SIPA1L2: variants seen among roughly 807,000 people sequenced by gnomAD.
The protein encoded by SIPA1L2 is signal-induced proliferation-associated 1-like protein 2.
In SIPA1L2, 56 loss-of-function variants were observed where a neutral mutation model predicts 163.9. The observed-to-expected ratio is 0.34, with a 90% CI of 0.28 to 0.43. SIPA1L2 has a LOEUF of 0.43. Ranked by LOEUF, SIPA1L2 falls within the 20% of genes least tolerant of loss-of-function variation. The probability of loss-of-function intolerance (pLI) is 1.00; values close to 1 mark genes in which losing one functional copy is unlikely to be tolerated. For synonymous variants in SIPA1L2, 877 were observed against 865.7 expected (o/e 1.01, Z -0.23); for missense variants, 1,974 against 2,193.5 (o/e 0.90, Z 2.00).
In SIPA1L2 at chr1:232,415,582, C is replaced by A. The variant is rs1315538606; in HGVS notation, c.4674G>T (p.Lys1558Asn). 1 of 1,613,908 alleles carries A rather than the reference C, an allele frequency of 6.2e-7. No individual in the cohort carries two copies. Among genetic ancestry groups the A allele is most frequent in the East Asian group, 2.2e-5 (1 of 44,886 alleles). Residue 1558 changes from lysine to asparagine, a missense_variant, in exon 19 of 23, where the codon AAG (lysine) becomes AAT (asparagine). By Grantham distance (94) the Lys-to-Asn change is moderately conservative. Around this residue, in one of 3 missense-constraint regions of SIPA1L2, gnomAD observed 1,079 missense variants for 1,150.7 expected, o/e 0.94. Transcript: ENST00000674635. ...GGGGCATCAGGCCAGGATCTGCGCACTTGGACTTATCTGATAAGGACCCAT... is the reference window on the plus strand; with the variant it reads ...GGGGCATCAGGCCAGGATCTGCGCAATTGGACTTATCTGATAAGGACCCAT... ...FSDGSLSDKS[K>N]CADPGLMPLP...
intron 8 of SIPA1L2, among the ~76,000 whole-genome samples, chr1:232,470,013 A>T (rs532109901): frequency 1.3e-5 from 2 of 152,198 alleles, no homozygotes; most frequent in East Asian, 3.9e-4. Context: ...CACCCATAAA[A>T]TAACACCAAA....
chr1:232,428,085 T>G (rs1264105480), intron 17 of SIPA1L2, among the ~76,000 whole-genome samples: 1 of 152,208 alleles, frequency 6.6e-6, no homozygotes, highest in Non-Finnish European at 1.5e-5. Flanking sequence ...TTTTTTCAGA[T>G]GAGAGCATTG....
At chr1:232,413,749 C>G (rs1180283084) in intron 19 of SIPA1L2, among the ~76,000 whole-genome samples, 1 of 152,170 alleles carries the variant, frequency 6.6e-6, no homozygotes, top group African/African-American at 2.4e-5. Context: ...TCTTAAGAGA[C>G]AGGCATGAGA....
At chr1:232,547,354 G>T (rs534102629) in intron 2 of SIPA1L2, among the ~76,000 whole-genome samples, 1 of 151,458 alleles carries the variant, frequency 6.6e-6, no homozygotes. Flanking sequence ...ATATGGGAAC[G>T]CAACCCTCAC....
Position 232,515,580 on chromosome 1 carries a change from A to G in SIPA1L2, c.-241T>C, listed in dbSNP as rs1667184292. 1 of 437,714 alleles carries G rather than the reference A, an allele frequency of 2.3e-6. No homozygotes were observed. 27.1% of individuals were successfully genotyped at this position (437,714 alleles called of 1,614,324 possible). A position where few individuals can be genotyped will look rare whatever the true frequency, so the allele number is the denominator to read the frequency against. On this transcript the variant is annotated 5_prime_UTR_variant, in exon 3 of 23. An upstream start codon of the reference 5' UTR is lost. Transcript: ENST00000674635. The stretch of plus-strand genomic sequence containing the variant: ...TCTTTTCAAAAGCATTCCTTAAGAC[A>G]TCTGGCTGGTCATGAGTATTTCCTT...
intron 3 of SIPA1L2, among the ~76,000 whole-genome samples, chr1:232,498,841 G>A (rs113728026): frequency 6.6e-6 from 1 of 152,170 alleles, no homozygotes; most frequent in Non-Finnish European, 1.5e-5. Context: ...AACCACAACT[G>A]CAAAGTCTCT....
At chr1:232,546,879 G>C (rs760226915) in intron 2 of SIPA1L2, among the ~76,000 whole-genome samples, 1 of 152,176 alleles carries the variant, frequency 6.6e-6, no homozygotes, top group African/African-American at 2.4e-5. Flanking sequence ...CAGAAGAAAC[G>C]AATACTCAGA....
At position 232,399,112 on chromosome 1, in the gene SIPA1L2, T is replaced by A. The variant is rs1660179267; in HGVS notation, c.*15A>T. On this transcript the variant is annotated 3_prime_UTR_variant, in exon 23 of 23. Transcript: ENST00000674635. ...GGGGCATTTCCCAGTGGTCCCTTGA[T>A]GAGGTGCGGATTGGCTAAGATTTTT... The A allele has an allele frequency of 6.2e-7, 1 of 1,613,352 alleles. No individual in the cohort carries two copies. The highest frequency in any genetic ancestry group is 1.3e-5 in the African/African-American group (1 of 74,890).
intron 4 of SIPA1L2, among the ~76,000 whole-genome samples, chr1:232,492,237 G>T (rs150944431): frequency 3.9e-5 from 6 of 152,222 alleles, no homozygotes; most frequent in African/African-American, 1.4e-4. Context: ...TGATCTAGAA[G>T]CAGTTAACCA....
chr1:232,559,017 C>A (rs1241897801), intron 2 of SIPA1L2, among the ~76,000 whole-genome samples: 1 of 152,174 alleles, frequency 6.6e-6, no homozygotes, highest in African/African-American at 2.4e-5. Context: ...ATAAAATTCA[C>A]TTGATGTGTT....
chr1:232,400,092 G>A (rs978489988), intron 22 of SIPA1L2, among the ~76,000 whole-genome samples: 12 of 152,090 alleles, frequency 7.9e-5, no homozygotes, highest in African/African-American at 2.9e-4. Context: ...AATACCACCT[G>A]CCTGGTCACT....
intron 16 of SIPA1L2, among the ~76,000 whole-genome samples, chr1:232,431,318 T>C (rs949119093): frequency 2.6e-5 from 4 of 152,228 alleles, no homozygotes; most frequent in African/African-American, 7.2e-5. Context: ...ATGACTGACA[T>C]GATTTTTTTA....
intron 7 of SIPA1L2, among the ~76,000 whole-genome samples, chr1:232,477,645 AT>A (rs1354649481): frequency 1.3e-5 from 2 of 152,036 alleles, no homozygotes; most frequent in Non-Finnish European, 2.9e-5. Context: ...TTGCATCTAC[AT>A]TTTCACTGCT....
intron 2 of SIPA1L2, among the ~76,000 whole-genome samples, chr1:232,532,207 G>C (rs1432183001): frequency 6.6e-6 from 1 of 152,198 alleles, no homozygotes; most frequent in Non-Finnish European, 1.5e-5. Flanking sequence ...ACTGCTTCCT[G>C]GTGGGAGGAT....
At chr1:232,480,256 G>T (rs1572961524) in intron 6 of SIPA1L2, among the ~76,000 whole-genome samples, 1 of 151,826 alleles carries the variant, frequency 6.6e-6, no homozygotes, top group Non-Finnish European at 1.5e-5. Context: ...AAATGAAATA[G>T]GATTGATTGA....
chr1:232,575,705 G>C (rs1660042836), intron 1 of SIPA1L2, among the ~76,000 whole-genome samples: 1 of 152,148 alleles, frequency 6.6e-6, no homozygotes. Context: ...GCAGGATCTC[G>C]AAGATGAACT....
intron 2 of SIPA1L2, among the ~76,000 whole-genome samples, chr1:232,550,679 T>C (rs1658325115): frequency 6.6e-6 from 1 of 152,220 alleles, no homozygotes; most frequent in African/African-American, 2.4e-5. Context: ...TACTGTCTTC[T>C]TAATGCAGAC....
At chr1:232,475,724 T>G (rs1250208220) in intron 7 of SIPA1L2, among the ~76,000 whole-genome samples, 1 of 152,176 alleles carries the variant, frequency 6.6e-6, no homozygotes, top group African/African-American at 2.4e-5. Flanking sequence ...ATTATGATAT[T>G]TTACCAATAA....
intron 2 of SIPA1L2, among the ~76,000 whole-genome samples, chr1:232,539,260 A>T (rs980273324): frequency 1.3e-5 from 2 of 152,172 alleles, no homozygotes; most frequent in Admixed American, 1.3e-4. Context: ...TAACTAGTGG[A>T]CACCTTAGGC....
Sources: gnomAD v4.1 joint callset for allele counts (sites outside exome capture counted in the v4.1 genomes callset) on GRCh38, gnomAD v4.1.1 for gene constraint, gnomAD v4.1.1 regional missense constraint, MANE v1.5 for transcripts, NCBI Gene and HGNC (gene_info 2026-07-23, HGNC 2026-07-21) for gene names.